Variants in LRP12 observed in about 807,000 individuals in gnomAD.
The protein encoded by LRP12 is LDL receptor related protein 12.
LRP12 carries 14 observed loss-of-function variants against 66.0 expected under a neutral mutation model. The observed-to-expected ratio is 0.21, with a 90% confidence interval of 0.14 to 0.33. The LOEUF is 0.33. Among genes scored for constraint, LRP12 ranks in the 10% least tolerant of loss-of-function variants. The pLI, the probability that LRP12 is intolerant of heterozygous loss-of-function variation, is 1.00. For missense variants in LRP12, 889 were observed against 1,053.4 expected (o/e 0.84, Z 2.16); for synonymous variants, 357 against 359.1 (o/e 0.99, Z 0.07).
chr8:104,543,114 C>G (rs1464039138), intron 1 of LRP12, among the ~76,000 whole-genome samples: 2 of 151,812 alleles, frequency 1.3e-5, no homozygotes, highest in African/African-American at 4.8e-5. Context: ...AGGAACTAAA[C>G]TTTTATATAC....
chr8:104,534,314 A>G (rs180703342), intron 1 of LRP12, among the ~76,000 whole-genome samples: 25 of 152,180 alleles, frequency 1.6e-4, no homozygotes, highest in Admixed American at 1.6e-3. Context: ...GCATTTATAT[A>G]AACACTGATG....
At chr8:104,548,196 A>C (rs1345954257) in intron 1 of LRP12, among the ~76,000 whole-genome samples, 1 of 74,222 alleles carries the variant, frequency 1.3e-5, no homozygotes, top group Non-Finnish European at 2.2e-5. Flanking sequence ...ATATATATAA[A>C]TATATGATAT....
chr8:104,517,021 A>T (rs1811079747), intron 2 of LRP12, among the ~76,000 whole-genome samples: 1 of 151,880 alleles, frequency 6.6e-6, no homozygotes, highest in Non-Finnish European at 1.5e-5. Flanking sequence ...ACAAAACTGA[A>T]ATGCAAGTAA....
At chr8:104,580,808 A>G (rs1010365636) in intron 1 of LRP12, among the ~76,000 whole-genome samples, 7 of 152,206 alleles carry the variant, frequency 4.6e-5, no homozygotes, top group African/African-American at 1.7e-4. Flanking sequence ...GTTGTGGTGA[A>G]AAAGGAATGC....
chr8:104,508,611 GTTTTGTTTATT>G (rs1445739571), intron 3 of LRP12: 1 of 189,834 alleles, frequency 5.3e-6, no homozygotes, highest in African/African-American at 2.3e-5. Flanking sequence ...GAATTAATGA[GTTTTGTTTATT>G]TGTTTGTTCC....
chr8:104,529,401 T>G (rs575258657), intron 2 of LRP12, among the ~76,000 whole-genome samples: 2 of 152,112 alleles, frequency 1.3e-5, no homozygotes, highest in African/African-American at 4.8e-5. Context: ...CCTAGAAAAC[T>G]AATACATATT....
At chr8:104,573,442 T>A (rs1301068432) in intron 1 of LRP12, among the ~76,000 whole-genome samples, 1 of 152,136 alleles carries the variant, frequency 6.6e-6, no homozygotes, top group African/African-American at 2.4e-5. Context: ...ATGGAACTGA[T>A]CTATCTCCAC....
intron 1 of LRP12, among the ~76,000 whole-genome samples, chr8:104,568,759 T>C (rs1812039611): frequency 6.6e-6 from 1 of 151,986 alleles, no homozygotes; most frequent in South Asian, 2.1e-4. Flanking sequence ...ACAGCTGTAA[T>C]GAAAAAGACA....
chr8:104,554,288 CCAGAAA>C (rs1811771512), intron 1 of LRP12, among the ~76,000 whole-genome samples: 2 of 152,044 alleles, frequency 1.3e-5, no homozygotes, highest in African/African-American at 4.8e-5. Flanking sequence ...CTCTGACTTG[CCAGAAA>C]AAGAATTCAG....
chr8:104,584,643 G>A (rs540614692), intron 1 of LRP12, among the ~76,000 whole-genome samples: 3 of 127,494 alleles, frequency 2.4e-5, no homozygotes, highest in East Asian at 4.2e-4. Context: ...AACAGTGCTT[G>A]TTTAATACTT....
At chr8:104,520,829 AC>A (rs1811136437) in intron 2 of LRP12, among the ~76,000 whole-genome samples, 1 of 152,072 alleles carries the variant, frequency 6.6e-6, no homozygotes, top group African/African-American at 2.4e-5. Context: ...CAGATAACCA[AC>A]ATGTTATCAA....
chr8:104,523,045 A>G (rs1811174904), intron 2 of LRP12, among the ~76,000 whole-genome samples: 1 of 152,190 alleles, frequency 6.6e-6, no homozygotes, highest in Admixed American at 6.5e-5. Flanking sequence ...CCTGTGATAC[A>G]GTAATTTCAC....
chr8:104,558,367 A>G (rs1457428391), intron 1 of LRP12, among the ~76,000 whole-genome samples: 5 of 152,242 alleles, frequency 3.3e-5, no homozygotes, highest in Non-Finnish European at 5.9e-5. Flanking sequence ...AGCACACTCT[A>G]TTCAACAAAT....
chr8:104,542,473 C>T (rs1182895207), intron 1 of LRP12, among the ~76,000 whole-genome samples: 2 of 151,998 alleles, frequency 1.3e-5, no homozygotes, highest in African/African-American at 4.8e-5. Context: ...TTGATAGTGC[C>T]CTTTGAAGCA....
At chr8:104,572,128 T>C (rs898818997) in intron 1 of LRP12, among the ~76,000 whole-genome samples, 9 of 152,240 alleles carry the variant, frequency 5.9e-5, no homozygotes, top group Non-Finnish European at 8.8e-5. Context: ...TCCAAGATAT[T>C]ATGCTGAGTA....
At chr8:104,535,051 C>G (rs1010454113) in intron 1 of LRP12, among the ~76,000 whole-genome samples, 14 of 149,102 alleles carry the variant, frequency 9.4e-5, no homozygotes, top group African/African-American at 3.4e-4. Flanking sequence ...TCTGATAAAA[C>G]ATTACTTCTT....
intron 1 of LRP12, among the ~76,000 whole-genome samples, chr8:104,571,884 T>C (rs1298467751): frequency 1.3e-5 from 2 of 152,212 alleles, no homozygotes; most frequent in Non-Finnish European, 1.5e-5. Flanking sequence ...AGAAAAATTG[T>C]CTTCCACAAA....
At chr8:104,570,866 G>C (rs1812067341) in intron 1 of LRP12, among the ~76,000 whole-genome samples, 1 of 151,766 alleles carries the variant, frequency 6.6e-6, no homozygotes, top group Admixed American at 6.6e-5. Context: ...AAATATATAA[G>C]AACTCCCAAA....
rs373803003 is a variant in LRP12 at position 104,521,782 on chromosome 8, T to A, written c.136+10125A>T. On this transcript the variant is annotated intron_variant, in intron 2 of 6. Transcript: ENST00000276654. ...ATGTAATAAGGCTTCTTTCTTTTCT[T>A]CATCTGAAACATGGATGAAAGACAT... Among the ~76,000 whole-genome samples, 4 of 152,024 alleles carry A rather than the reference T, an allele frequency of 2.6e-5. No individual in the cohort carries two copies. In the East Asian group the frequency reaches 7.7e-4, roughly 29 times the overall value.
Sources: allele counts gnomAD v4.1 joint callset (sites outside exome capture counted in the v4.1 genomes callset), GRCh38; gene constraint gnomAD v4.1.1; transcripts MANE v1.5; gene names NCBI Gene and HGNC (gene_info 2026-07-23, HGNC 2026-07-21).